Variants in DOCK3 observed in about 807,000 individuals in gnomAD.
The protein encoded by DOCK3 is dedicator of cytokinesis protein 3.
Under a neutral mutation model 265.6 loss-of-function variants are expected in DOCK3, and 60 were observed. The ratio of observed to expected loss-of-function variants is 0.23; its 90% CI spans 0.18 to 0.28. DOCK3 has a LOEUF of 0.28. Ranked by LOEUF, DOCK3 falls within the 10% of genes least tolerant of loss-of-function variation. The pLI, the probability that DOCK3 is intolerant of heterozygous loss-of-function variation, is 1.00. For synonymous variants in DOCK3, 881 were observed against 938.0 expected, an observed-to-expected ratio of 0.94 and a Z score of 1.11; for missense variants, 1,981 against 2,594.3, an observed-to-expected ratio of 0.76 and a Z score of 5.14.
In DOCK3 at chr3:51,348,855, T is replaced by C; in HGVS notation, c.3919T>C (p.Trp1307Arg). ...IIHYFNKGKSWEFGIPLCREL... is the reference protein window; with the variant it reads ...IIHYFNKGKSREFGIPLCREL... ...CCTGTTTCTGTTTCTGACACAGAGCTGGGAGTTTGGGATCCCACTGTGCAG... is the reference window on the plus strand; with the variant it reads ...CCTGTTTCTGTTTCTGACACAGAGCCGGGAGTTTGGGATCCCACTGTGCAG... Residue 1307 changes from tryptophan to arginine, a missense_variant, in exon 39 of 53, where the codon TGG becomes CGG. Physicochemically the swap from Trp to Arg is moderately radical, Grantham distance 101. Transcript: ENST00000266037. The C allele has an allele frequency of 6.3e-7, 1 of 1,576,136 alleles. No individual in the cohort carries two copies.
intron 49 of DOCK3, among the ~76,000 whole-genome samples, chr3:51,366,694 G>T (rs987426205): frequency 1.3e-5 from 2 of 152,122 alleles, no homozygotes; most frequent in Non-Finnish European, 2.9e-5. Context: ...TTGTGTCTTT[G>T]TTCTCATTGG....
chr3:50,876,037 A>G (rs1408089583), intron 3 of DOCK3, among the ~76,000 whole-genome samples: 1 of 152,148 alleles, frequency 6.6e-6, no homozygotes, highest in Admixed American at 6.5e-5. Flanking sequence ...AAGAGGGTGC[A>G]TGCTATGTAA....
intron 4 of DOCK3, among the ~76,000 whole-genome samples, chr3:50,930,150 A>AGTGT (rs1396990580): frequency 3.0e-3 from 459 of 152,356 alleles, no homozygotes; most frequent in African/African-American, 0.011. Context: ...TTTTTTATAG[A>AGTGT]TCTTAATGAT....
Position 51,381,053 on chromosome 3 carries a change from C to T in DOCK3, c.5587C>T (p.Pro1863Ser), listed in dbSNP as rs374117078. The stretch of plus-strand genomic sequence containing the variant: ...ATGCCCACCCTTTCCTTCGCAGTCT[C>T]CTCTCCACCCTATCCCAGCCTCCCC... ...ALPARTLRKS[P>S]LHPIPASPTS... is the part of the protein sequence containing the mutation. The change falls in exon 53 of 53, where the codon CCT becomes TCT. Residue 1863 changes from proline (P) to serine (S), a missense_variant. Around this residue, in one of 4 missense-constraint regions of DOCK3, gnomAD observed 1,357 missense variants for 1,866.8 expected, o/e 0.73. Coordinates refer to ENST00000266037, the MANE Select transcript of DOCK3 (RefSeq NM_004947.5). The surrounding 1 kb of genome is among the most constrained non-coding windows in gnomAD (Gnocchi z 5.6). The T allele has an allele frequency of 4.6e-5, 73 of 1,593,304 alleles. No individual in the cohort carries two copies. The highest frequency in any genetic ancestry group is 6.2e-5 in the Non-Finnish European group (72 of 1,167,450).
intron 39 of DOCK3, 151 bp from the exon 40 acceptor site, chr3:51,350,137 A>C (rs2085878261): frequency 1.6e-6 from 1 of 639,120 alleles, no homozygotes; most frequent in South Asian, 2.2e-5. Context: ...CCCTGGAGAG[A>C]GGCTGGTCAT....
intron 1 of DOCK3, among the ~76,000 whole-genome samples, chr3:50,766,960 G>A (rs1239504215): frequency 6.6e-6 from 1 of 151,796 alleles, no homozygotes; most frequent in Non-Finnish European, 1.5e-5. Context: ...GCCCACTTTT[G>A]GATGGGGTTT....
At chr3:50,727,059 CAG>C (rs1295358497) in intron 1 of DOCK3, among the ~76,000 whole-genome samples, 2 of 152,102 alleles carry the variant, frequency 1.3e-5, no homozygotes, top group Non-Finnish European at 2.9e-5. Context: ...CACTAAAAAA[CAG>C]AGGAGGCACA....
At chr3:51,350,430 T>G in intron 40 of DOCK3, 38 bp downstream of exon 40, 1 of 1,588,114 alleles carries the variant, frequency 6.3e-7, no homozygotes, top group Non-Finnish European at 8.6e-7. Flanking sequence ...CTTATATATT[T>G]TACGCATAAT....
At chr3:50,953,785 G>A (rs906159776) in intron 5 of DOCK3, among the ~76,000 whole-genome samples, 2 of 152,098 alleles carry the variant, frequency 1.3e-5, no homozygotes, top group Admixed American at 6.6e-5. Flanking sequence ...GGATGTGAGA[G>A]GCAACAAATT....
At chr3:51,343,968 G>A (rs936172660) in intron 38 of DOCK3, among the ~76,000 whole-genome samples, 2 of 152,218 alleles carry the variant, frequency 1.3e-5, no homozygotes, top group African/African-American at 4.8e-5. Flanking sequence ...AAACTCCAAA[G>A]AGACAGGATA....
At chr3:51,156,195 A>G (rs965425735) in intron 10 of DOCK3, among the ~76,000 whole-genome samples, 2 of 152,194 alleles carry the variant, frequency 1.3e-5, no homozygotes, top group African/African-American at 2.4e-5. Context: ...CTCCCAAAAA[A>G]AAGGAGTGTC....
chr3:50,734,326 C>T (rs2038425038), intron 1 of DOCK3, among the ~76,000 whole-genome samples: 1 of 151,736 alleles, frequency 6.6e-6, no homozygotes, highest in Admixed American at 6.6e-5. Context: ...AACATAGACC[C>T]CATCTGTACC....
chr3:50,793,019 C>T (rs2042572414), intron 2 of DOCK3, among the ~76,000 whole-genome samples: 1 of 152,132 alleles, frequency 6.6e-6, no homozygotes, highest in Admixed American at 6.6e-5. Context: ...TAGAATTTGG[C>T]TGTGAATTTG....
At chr3:51,055,701 T>G (rs963618945) in intron 5 of DOCK3, among the ~76,000 whole-genome samples, 3 of 152,184 alleles carry the variant, frequency 2.0e-5, no homozygotes, top group Non-Finnish European at 4.4e-5. Flanking sequence ...TTGGCATCTA[T>G]CCATCCGTGA....
chr3:51,345,784 A>G (rs2085524399), intron 38 of DOCK3, among the ~76,000 whole-genome samples: 1 of 152,228 alleles, frequency 6.6e-6, no homozygotes, highest in African/African-American at 2.4e-5. Flanking sequence ...GAGAAACACA[A>G]CCCCAAATGA....
At chr3:50,996,853 C>T (rs1335537409) in intron 5 of DOCK3, among the ~76,000 whole-genome samples, 1 of 152,124 alleles carries the variant, frequency 6.6e-6, no homozygotes, top group East Asian at 1.9e-4. Flanking sequence ...AGAATAAGAG[C>T]CAATCCCTCG....
chr3:51,243,068 C>T (rs1030049622), intron 21 of DOCK3, among the ~76,000 whole-genome samples: 1 of 152,180 alleles, frequency 6.6e-6, no homozygotes, highest in African/African-American at 2.4e-5. Flanking sequence ...GCCAGCCAAC[C>T]AAGGGGTGCT....
chr3:50,724,765 A>G (rs1417720512), intron 1 of DOCK3, among the ~76,000 whole-genome samples: 6 of 152,142 alleles, frequency 3.9e-5, no homozygotes, highest in African/African-American at 4.8e-5. Context: ...TAGCAAACCA[A>G]CATGACACAT....
intron 16 of DOCK3, among the ~76,000 whole-genome samples, 189 bp from the exon 17 acceptor site, chr3:51,227,793 A>G (rs999029166): frequency 1.3e-5 from 2 of 152,210 alleles, no homozygotes; most frequent in Non-Finnish European, 2.9e-5. Flanking sequence ...GGGTCTAGGT[A>G]GCCTATATGC....
Sources: gnomAD v4.1 joint callset for allele counts (sites outside exome capture counted in the v4.1 genomes callset) on GRCh38, gnomAD v4.1.1 for gene constraint, gnomAD v4.1.1 regional missense constraint, Gnocchi (gnomAD v3.1) non-coding constraint, MANE v1.5 for transcripts, NCBI Gene and HGNC (gene_info 2026-07-23, HGNC 2026-07-21) for gene names.